The following PPM1E variants were observed in gnomAD, a reference collection of about 807,000 sequenced individuals.
PPM1E encodes the protein protein phosphatase, Mg2+/Mn2+ dependent 1E.
In PPM1E, 20 loss-of-function variants were observed where a neutral mutation model predicts 65.9. The observed-to-expected ratio is 0.30, with a 90% CI of 0.21 to 0.44. PPM1E has a LOEUF of 0.44. Among genes scored for constraint, PPM1E ranks in the 20% least tolerant of loss-of-function variants. The pLI, the probability that PPM1E is intolerant of heterozygous loss-of-function variation, is 1.00. For synonymous variants in PPM1E, 352 were observed against 374.9 expected (o/e 0.94, Z 0.70); for missense variants, 713 against 953.1 (o/e 0.75, Z 3.32).
intron 1 of PPM1E, among the ~76,000 whole-genome samples, chr17:58,816,781 TATATATATA>T (rs1567842248): frequency 6.0e-4 from 8 of 13,358 alleles, no homozygotes; most frequent in East Asian, 1.9e-3. Flanking sequence ...TATATATATA[TATATATATA>T]TATATTTTTT....
chr17:58,850,196 A>G (rs2050812206), intron 1 of PPM1E, among the ~76,000 whole-genome samples: 1 of 152,004 alleles, frequency 6.6e-6, no homozygotes, highest in Non-Finnish European at 1.5e-5. Flanking sequence ...GGTCTCCTGA[A>G]TACAGCACAC....
At position 58,980,513 on chromosome 17, in the gene PPM1E, C is replaced by A. The variant is rs754234636; in HGVS notation, c.1750C>A (p.Gln584Lys). ...QIEASKPHSAQFLLPVEMFGP... is the reference protein window; with the variant it reads ...QIEASKPHSAKFLLPVEMFGP... ...AGAAGCAAGCAAACCTCACAGTGCC[C>A]AGTTTTTGCTACCAGTTGAGATGTT... Residue 584 changes from glutamine to lysine, a missense_variant, in exon 7 of 7, where the codon CAG (glutamine) becomes AAG (lysine). Transcript: ENST00000308249. The surrounding 1 kb of genome is among the most constrained non-coding windows in gnomAD (Gnocchi z 4.7). The A allele has an allele frequency of 6.2e-7, 1 of 1,614,124 alleles. No individual in the cohort carries two copies. The highest frequency in any genetic ancestry group is 1.1e-5 in the South Asian group (1 of 91,080).
intron 1 of PPM1E, among the ~76,000 whole-genome samples, chr17:58,857,027 G>A (rs1010671439): frequency 6.6e-6 from 1 of 152,010 alleles, no homozygotes; most frequent in African/African-American, 2.4e-5. Context: ...TCTTTACTCA[G>A]TTTAACCTAT....
chr17:58,861,636 C>T (rs2050943757), intron 1 of PPM1E, among the ~76,000 whole-genome samples: 1 of 152,064 alleles, frequency 6.6e-6, no homozygotes, highest in Admixed American at 6.6e-5. Context: ...TTAAAAGATG[C>T]TGTTTCTGGC....
chr17:58,881,299 A>G (rs2051191778), intron 1 of PPM1E, among the ~76,000 whole-genome samples: 1 of 152,180 alleles, frequency 6.6e-6, no homozygotes, highest in Non-Finnish European at 1.5e-5. Flanking sequence ...AGGCTGAGGC[A>G]GGTGGATCGC....
chr17:58,961,827 G>A (rs2030039677), intron 2 of PPM1E, among the ~76,000 whole-genome samples: 2 of 152,082 alleles, frequency 1.3e-5, no homozygotes, highest in Admixed American at 1.3e-4. Context: ...TTTTAGAGAT[G>A]GGGTCTTGCT....
chr17:58,823,210 C>A (rs1053635443), intron 1 of PPM1E, among the ~76,000 whole-genome samples: 1 of 152,084 alleles, frequency 6.6e-6, no homozygotes, highest in Admixed American at 6.6e-5. Flanking sequence ...AGAATTGTTT[C>A]TAGTTTAAGA....
chr17:58,854,138 A>G (rs2050857008), intron 1 of PPM1E, among the ~76,000 whole-genome samples: 1 of 152,092 alleles, frequency 6.6e-6, no homozygotes, highest in Non-Finnish European at 1.5e-5. Flanking sequence ...TTTGGTTCAT[A>G]CCTAAGTATT....
At chr17:58,827,632 G>A (rs1023400446) in intron 1 of PPM1E, among the ~76,000 whole-genome samples, 13 of 152,014 alleles carry the variant, frequency 8.6e-5, no homozygotes, top group Admixed American at 3.3e-4. Flanking sequence ...GCTGGGCGCG[G>A]TGGCTTATGC....
chr17:58,806,863 CTG>C (rs1194717181), intron 1 of PPM1E, among the ~76,000 whole-genome samples: 2 of 126,358 alleles, frequency 1.6e-5, no homozygotes, highest in Non-Finnish European at 3.5e-5. Context: ...CCACGCCCTG[CTG>C]TGTTTTTTTT....
chr17:58,980,585 A>G lies in PPM1E; in HGVS notation c.1822A>G (p.Met608Val), dbSNP rs752594592. The G allele has an allele frequency of 1.2e-6, 2 of 1,614,206 alleles. No homozygotes were observed. Among genetic ancestry groups the G allele is most frequent in the African/African-American group, 2.7e-5 (2 of 75,058 alleles). The change falls in exon 7 of 7, where the codon ATG becomes GTG. Residue 608 changes from methionine to valine, a missense_variant. By Grantham distance (21) the Met-to-Val change is conservative. This residue lies in a region of PPM1E where 286 missense variants were observed against 313.8 expected (regional missense o/e 0.91). Transcript: ENST00000308249. The surrounding 1 kb of genome is among the most constrained non-coding windows in gnomAD (Gnocchi z 4.7). The part of the protein sequence containing the change: ...KKANLINELM[M>V]EKKSVQSSLP... ...AGCAAATCTTATTAATGAGTTAATG[A>G]TGGAGAAAAAATCAGTTCAGTCATC...
Position 58,782,100 on chromosome 17 carries a change from T to C in PPM1E, c.464+25639T>C, listed in dbSNP as rs1267614685. On this transcript the variant is annotated intron_variant, in intron 1 of 6. Coordinates refer to ENST00000308249, the MANE Select transcript of PPM1E (RefSeq NM_014906.5). ...CAATGAGGAAGAATTGCTTGGTGGGTAGGAATGATAGAAACCTCTGGAGAC... is the reference window on the plus strand; with the variant it reads ...CAATGAGGAAGAATTGCTTGGTGGGCAGGAATGATAGAAACCTCTGGAGAC... 7.2e-5 allele frequency among the ~76,000 whole-genome samples: 11 copies of C among 152,074 alleles called. 1 individual carries two copies.
At chr17:58,771,928 C>T (rs2049943174) in intron 1 of PPM1E, among the ~76,000 whole-genome samples, 1 of 152,134 alleles carries the variant, frequency 6.6e-6, no homozygotes, top group African/African-American at 2.4e-5. Flanking sequence ...AGTTAACCAG[C>T]AAGTACAATA....
At chr17:58,864,671 C>T (rs1320050232) in intron 1 of PPM1E, among the ~76,000 whole-genome samples, 1 of 151,598 alleles carries the variant, frequency 6.6e-6, no homozygotes, top group African/African-American at 2.4e-5. Flanking sequence ...GGCGCAGTGG[C>T]TCACGCCTGT....
chr17:58,942,832 AAAAAG>A (rs1040692621), intron 1 of PPM1E, among the ~76,000 whole-genome samples: 1 of 86,346 alleles, frequency 1.2e-5, no homozygotes, highest in African/African-American at 5.2e-5. Flanking sequence ...AATAATAAAA[AAAAAG>A]AAAAAAAAAA....
chr17:58,806,061 C>T (rs2050311486), intron 1 of PPM1E, among the ~76,000 whole-genome samples: 1 of 150,626 alleles, frequency 6.6e-6, no homozygotes, highest in Non-Finnish European at 1.5e-5. Context: ...CAATTCTCTC[C>T]TCCGTGTCCT....
intron 1 of PPM1E, among the ~76,000 whole-genome samples, chr17:58,763,945 T>C (rs1324850582): frequency 6.6e-6 from 1 of 152,094 alleles, no homozygotes; most frequent in Non-Finnish European, 1.5e-5. Context: ...CTAAACTGCC[T>C]AAAGTCCAAT....
intron 2 of PPM1E, among the ~76,000 whole-genome samples, chr17:58,964,631 A>G (rs1567890955): frequency 6.6e-6 from 1 of 152,224 alleles, no homozygotes; most frequent in Non-Finnish European, 1.5e-5. Flanking sequence ...GATCACACGC[A>G]TAGACAGAAC....
chr17:58,940,607 G>C (rs746941615), intron 1 of PPM1E, among the ~76,000 whole-genome samples: 30 of 152,152 alleles, frequency 2.0e-4, no homozygotes, highest in Non-Finnish European at 3.7e-4. Flanking sequence ...TACATTTGTT[G>C]AACCTACATC....
Sources: gnomAD v4.1 joint callset for allele counts (sites outside exome capture counted in the v4.1 genomes callset) on GRCh38, gnomAD v4.1.1 for gene constraint, gnomAD v4.1.1 regional missense constraint, Gnocchi (gnomAD v3.1) non-coding constraint, MANE v1.5 for transcripts, NCBI Gene and HGNC (gene_info 2026-07-23, HGNC 2026-07-21) for gene names.